HSPG2: variants seen among roughly 807,000 people sequenced by gnomAD.
The protein encoded by HSPG2 is heparan sulfate proteoglycan 2, also known as basement membrane-specific heparan sulfate proteoglycan core protein.
HSPG2 carries 278 observed loss-of-function variants against 526.6 expected under a neutral mutation model. The ratio of observed to expected loss-of-function variants is 0.53; its 90% CI spans 0.48 to 0.58. HSPG2 has a LOEUF of 0.58. Among genes scored for constraint, HSPG2 ranks in the 20% least tolerant of loss-of-function variants. The pLI, the probability that HSPG2 is intolerant of heterozygous loss-of-function variation, is 0.00. For missense variants in HSPG2, 5,354 were observed against 6,099.5 expected (o/e 0.88, Z 4.07); for synonymous variants, 2,465 against 2,555.4 (o/e 0.96, Z 1.07).
chr1:21,930,903 C>T (rs1644330410), intron 1 of HSPG2, among the ~76,000 whole-genome samples: 1 of 152,214 alleles, frequency 6.6e-6, no homozygotes. Flanking sequence ...ACACACTCTG[C>T]AAGGCTTTGC....
rs775214455 is a variant in HSPG2, at chr1:21,876,036, A to T, written c.3010T>A (p.Ser1004Thr). ...GTGAAGCGCAGCTCTCCTCCATAGGAGGTCACCTGGGACCAGGGTTAGACA... is the reference window on the plus strand; with the variant it reads ...GTGAAGCGCAGCTCTCCTCCATAGGTGGTCACCTGGGACCAGGGTTAGACA... ...PSRFLGDKVT[S>T]YGGELRFTVT... The change falls in exon 24 of 97, where the codon TCC (serine) becomes ACC (threonine). Residue 1004 changes from serine (S) to threonine (T), a missense_variant. Transcript: ENST00000374695. The T allele has an allele frequency of 2.2e-5, 36 of 1,613,766 alleles. No individual in the cohort carries two copies. The Middle Eastern group carries it at 2.3e-3, about 103-fold the overall frequency.
Position 21,840,607 on chromosome 1 carries a change from A to G in HSPG2, c.9513+494T>C, listed in dbSNP as rs190939366. ...AGGTGTGAGCCACTGCACCCAGCCT[A>G]ATTTTGTATTTTTAGTAGAGACGGG... On this transcript the variant is annotated intron_variant, in intron 71 of 96. Coordinates refer to ENST00000374695, the MANE Select transcript of HSPG2 (RefSeq NM_005529.7). Among the ~76,000 whole-genome samples, 84 of 151,574 alleles carry G rather than the reference A, an allele frequency of 5.5e-4. 1 individual carries two copies. The highest frequency in any genetic ancestry group is 1.9e-3 in the African/African-American group (78 of 41,290).
chr1:21,890,916 G>A lies in HSPG2; in HGVS notation c.245-222C>T, dbSNP rs996212515. Reference sequence around the variant, plus strand: ...GACTGAGGGGCTTTAACTAACAGGGGAAATGGCCTGATCCAGAAACCAAGT... The same window carrying A: ...GACTGAGGGGCTTTAACTAACAGGGAAAATGGCCTGATCCAGAAACCAAGT... On this transcript the variant is annotated intron_variant, in intron 3 of 96. Coordinates refer to ENST00000374695, the MANE Select transcript of HSPG2 (RefSeq NM_005529.7). This position sits in a 1 kb window ranked among gnomAD's most constrained non-coding sequence, Gnocchi z 4.1. 6.6e-6 allele frequency among the ~76,000 whole-genome samples: 1 copy of A among 152,222 alleles called. No individual in the cohort carries two copies. Among genetic ancestry groups the A allele is most frequent in the Non-Finnish European group, 1.5e-5 (1 of 68,036 alleles).
chr1:21,876,051 A>C lies in HSPG2; in HGVS notation c.3004-9T>G. On this transcript the variant is annotated splice_polypyrimidine_tract_variant and intron_variant, in intron 23 of 96. Transcript: ENST00000374695. ...CCTCCATAGGAGGTCACCTGGGACC[A>C]GGGTTAGACAGGAGCTTGCGGAGGC... 1 of 1,613,752 alleles carries C rather than the reference A, an allele frequency of 6.2e-7. No homozygotes were observed. Among genetic ancestry groups the C allele is most frequent in the Non-Finnish European group, 8.5e-7 (1 of 1,179,898 alleles).
Position 21,844,411 on chromosome 1 carries a change from C to A in HSPG2, c.8465-112G>T, listed in dbSNP as rs1192192587. 2.5e-6 allele frequency: 3 copies of A among 1,210,314 alleles called. No homozygotes were observed. The East Asian group carries it at 7.3e-5, about 30-fold the overall frequency. 75.0% of individuals were successfully genotyped at this position (1,210,314 alleles called of 1,614,324 possible). A position where few individuals can be genotyped will look rare whatever the true frequency, so the allele number is the denominator to read the frequency against. On this transcript the variant is annotated intron_variant, in intron 64 of 96. Coordinates refer to ENST00000374695, the MANE Select transcript of HSPG2 (RefSeq NM_005529.7). ...GGCCATTTGGGACATGGCTTCTTTC[C>A]CTTCCCGTTCCATTGAGGCCTGGAG...
In HSPG2 at chr1:21,839,619, G is replaced by C; in HGVS notation, c.9710-69C>G. 2.6e-6 allele frequency: 4 copies of C among 1,553,412 alleles called. No homozygotes were observed. Among genetic ancestry groups the C allele is most frequent in the Non-Finnish European group, 3.5e-6 (4 of 1,135,366 alleles). On this transcript the variant is annotated intron_variant, in intron 72 of 96. Coordinates refer to ENST00000374695, the MANE Select transcript of HSPG2 (RefSeq NM_005529.7). The surrounding 1 kb of genome is among the most constrained non-coding windows in gnomAD (Gnocchi z 4.5). Reference sequence around the variant, plus strand: ...CAGGGACCCGCAGAGGGTGGCCATGGTGAGGAAGGGCCCTGGGTGATCCTG... The same window carrying C: ...CAGGGACCCGCAGAGGGTGGCCATGCTGAGGAAGGGCCCTGGGTGATCCTG...
intron 1 of HSPG2, 141 bp from the exon 2 acceptor site, chr1:21,896,451 A>G: frequency 9.5e-7 from 1 of 1,049,626 alleles, no homozygotes; most frequent in Non-Finnish European, 1.5e-6. Context: ...TGGCTCAGTG[A>G]GCCAGGCTGG....
intron 74 of HSPG2, among the ~76,000 whole-genome samples, chr1:21,837,923 G>A (rs1421854077): frequency 1.3e-5 from 2 of 151,906 alleles, no homozygotes; most frequent in Non-Finnish European, 2.9e-5. Context: ...ATCACATGAG[G>A]TCAGGAGTTC....
chr1:21,847,188 G>T lies in HSPG2; in HGVS notation c.8164+166C>A, dbSNP rs575254981. 6.6e-6 allele frequency among the ~76,000 whole-genome samples: 1 copy of T among 152,346 alleles called. No homozygotes were observed. Among genetic ancestry groups the T allele is most frequent in the East Asian group, 1.9e-4 (1 of 5,190 alleles). Reference sequence around the variant, plus strand: ...GCTGCAAGCCACACGTGGCTATTGAGAATTTGAAATGTTAGAAATGGGGTA... The same window carrying T: ...GCTGCAAGCCACACGTGGCTATTGATAATTTGAAATGTTAGAAATGGGGTA... On this transcript the variant is annotated intron_variant, in intron 62 of 96. Transcript: ENST00000374695. This position sits in a 1 kb window ranked among gnomAD's most constrained non-coding sequence, Gnocchi z 4.1.
At chr1:21,855,942 C>T in intron 44 of HSPG2, 30 bp from the exon 45 acceptor site, 1 of 1,602,914 alleles carries the variant, frequency 6.2e-7, no homozygotes, top group Non-Finnish European at 8.5e-7. Flanking sequence ...AACATGCACT[C>T]AGGGTGGGGA....
chr1:21,848,558 C>G lies in HSPG2; in HGVS notation c.7737+85G>C. 1.4e-6 allele frequency: 2 copies of G among 1,449,932 alleles called. No homozygotes were observed. The highest frequency in any genetic ancestry group is 1.9e-6 in the Non-Finnish European group (2 of 1,034,458). The allele number at this position is 1,449,932 out of a possible 1,614,324, so 89.8% of individuals were successfully genotyped here. A position where few individuals can be genotyped will look rare whatever the true frequency, so the allele number is the denominator to read the frequency against. ...TGTTTGTTGAATGACTGAATGAGCA[C>G]AGAGTGAGGTGCTGAGAGTCCCCCC... On this transcript the variant is annotated intron_variant, in intron 59 of 96. Coordinates refer to ENST00000374695, the MANE Select transcript of HSPG2 (RefSeq NM_005529.7). The surrounding 1 kb of genome is among the most constrained non-coding windows in gnomAD (Gnocchi z 4.9).
In HSPG2 at chr1:21,824,939, G is replaced by A; in HGVS notation, c.12590-160C>T. ...GGGGGCTGCCAACAGAATTCAGGGA[G>A]CCTATGACCTTGGATGGGAAAGCAT... On this transcript the variant is annotated intron_variant, in intron 91 of 96. Coordinates refer to ENST00000374695, the MANE Select transcript of HSPG2 (RefSeq NM_005529.7). This position sits in a 1 kb window ranked among gnomAD's most constrained non-coding sequence, Gnocchi z 5.9. 1 of 697,224 alleles carries A rather than the reference G, an allele frequency of 1.4e-6. No individual in the cohort carries two copies. Among genetic ancestry groups the A allele is most frequent in the Non-Finnish European group, 2.6e-6 (1 of 381,370 alleles). 43.2% of individuals were successfully genotyped at this position (697,224 alleles called of 1,614,324 possible).
intron 33 of HSPG2, chr1:21,868,989 G>T (rs1008850672): frequency 1.2e-4 from 35 of 304,018 alleles, no homozygotes; most frequent in Non-Finnish European, 1.6e-4. Context: ...AGGGCAGGTG[G>T]TAAGAGCCGA....
chr1:21,858,306 C>A lies in HSPG2; in HGVS notation c.5294-921G>T, dbSNP rs1278039497. On this transcript the variant is annotated intron_variant, in intron 42 of 96. Coordinates refer to ENST00000374695, the MANE Select transcript of HSPG2 (RefSeq NM_005529.7). This position sits in a 1 kb window ranked among gnomAD's most constrained non-coding sequence, Gnocchi z 4.2. ...TTTCCCTCTGATTCCCATGATGCCC[C>A]CTGTCTCTTCCTGCCTCATGGCTGC... is the stretch of plus-strand genomic sequence containing the variant. Among the ~76,000 whole-genome samples, 1 of 152,210 alleles carries A rather than the reference C, an allele frequency of 6.6e-6. No individual in the cohort carries two copies. Among genetic ancestry groups the A allele is most frequent in the Admixed American group, 6.5e-5 (1 of 15,290 alleles).
intron 1 of HSPG2, among the ~76,000 whole-genome samples, chr1:21,924,862 C>A (rs939983460): frequency 2.0e-5 from 3 of 152,198 alleles, no homozygotes; most frequent in African/African-American, 7.2e-5. Context: ...CCTCTACCAG[C>A]CAAATCAGAC....
chr1:21,884,134 G>A (rs76100124), intron 13 of HSPG2, among the ~76,000 whole-genome samples: 4,811 of 152,168 alleles, frequency 0.032, 103 homozygotes, highest in Middle Eastern at 0.082. Context: ...GCTTACATAC[G>A]TGACTCCACT....
Position 21,828,842 on chromosome 1 carries a change from A to G in HSPG2, c.12230T>C (p.Val4077Ala), listed in dbSNP as rs2097988832. The G allele has an allele frequency of 1.9e-6, 3 of 1,550,650 alleles. No homozygotes were observed. The African/African-American group carries it at 4.1e-5, about 21-fold the overall frequency. The change falls in exon 88 of 97, where the codon GTG becomes GCG. Residue 4077 changes from valine to alanine, a missense_variant. Physicochemically the swap from Val to Ala is moderately conservative, Grantham distance 64. Transcript: ENST00000374695. This position sits in a 1 kb window ranked among gnomAD's most constrained non-coding sequence, Gnocchi z 6.0. ...CGAGGAGGCTGCTCTTACCTCGCCC[A>G]CACAGCCGCGGAAGTGAGCGCTCAT... ...TNMSAHFRGC[V>A]GEVSVNGKRL...
rs748821511 is a variant in HSPG2 at position 21,847,520 on chromosome 1, G to C, written c.8026-28C>G. The C allele has an allele frequency of 6.2e-7, 1 of 1,613,502 alleles. No individual in the cohort carries two copies. Among genetic ancestry groups the C allele is most frequent in the South Asian group, 1.1e-5 (1 of 91,074 alleles). ...GGACGTGCGGATGGGGAAGGAGAGG[G>C]AGAGGGAGTGGAGGGACGCTGGGGT... On this transcript the variant is annotated intron_variant, in intron 61 of 96. Coordinates refer to ENST00000374695, the MANE Select transcript of HSPG2 (RefSeq NM_005529.7). This position sits in a 1 kb window ranked among gnomAD's most constrained non-coding sequence, Gnocchi z 4.1.
At chr1:21,861,440 G>C (rs1639774982) in intron 39 of HSPG2, among the ~76,000 whole-genome samples, 1 of 151,398 alleles carries the variant, frequency 6.6e-6, no homozygotes. Context: ...TTGAGCCCAG[G>C]AGTTTAAGAC....
Sources: allele counts gnomAD v4.1 joint callset (sites outside exome capture counted in the v4.1 genomes callset), GRCh38; gene constraint gnomAD v4.1.1; non-coding constraint Gnocchi (gnomAD v3.1); transcripts MANE v1.5; gene names NCBI Gene and HGNC (gene_info 2026-07-23, HGNC 2026-07-21).